HECW1: variants seen among roughly 807,000 people sequenced by gnomAD.
HECW1 encodes HECT, C2 and WW domain containing E3 ubiquitin protein ligase 1, also known as E3 ubiquitin-protein ligase HECW1.
Under a neutral mutation model 182.3 loss-of-function variants are expected in HECW1, and 61 were observed. That is an observed-to-expected ratio of 0.33 (90% CI 0.27 to 0.41). The LOEUF is 0.41. Among genes scored for constraint, HECW1 ranks in the 10% least tolerant of loss-of-function variants. The probability of loss-of-function intolerance (pLI) is 1.00; values close to 1 mark genes in which losing one functional copy is unlikely to be tolerated. For synonymous variants in HECW1, 859 were observed against 832.6 expected (o/e 1.03, Z -0.55); for missense variants, 1,739 against 2,108.9 (o/e 0.82, Z 3.44).
intron 6 of HECW1, among the ~76,000 whole-genome samples, chr7:43,362,182 T>C (rs982719625): frequency 2.6e-4 from 36 of 139,594 alleles, no homozygotes; most frequent in African/African-American, 8.3e-4. Flanking sequence ...TGACATGAAA[T>C]ATGAATGATT....
At chr7:43,292,461 A>G (rs1805514531) in intron 3 of HECW1, among the ~76,000 whole-genome samples, 2 of 152,226 alleles carry the variant, frequency 1.3e-5, no homozygotes, top group African/African-American at 2.4e-5. Context: ...TATAAGAACA[A>G]CTGAAGCCCA....
chr7:43,143,816 G>T (rs1205406879), intron 2 of HECW1, among the ~76,000 whole-genome samples: 1 of 152,168 alleles, frequency 6.6e-6, no homozygotes, highest in East Asian at 1.9e-4. Flanking sequence ...ACTTGGGGTG[G>T]GCACAAGACA....
At chr7:43,274,656 A>C (rs1453910558) in intron 3 of HECW1, 2 of 320,624 alleles carry the variant, frequency 6.2e-6, no homozygotes. Flanking sequence ...AGAGAGAGAG[A>C]GAGAGAGCGA....
At chr7:43,529,438 T>G (rs979567092) in intron 24 of HECW1, among the ~76,000 whole-genome samples, 2 of 152,060 alleles carry the variant, frequency 1.3e-5, no homozygotes, top group Non-Finnish European at 2.9e-5. Flanking sequence ...CTGGAGAAAA[T>G]GAAATAATTC....
At chr7:43,381,376 CA>C (rs2074542702) in intron 6 of HECW1, among the ~76,000 whole-genome samples, 1 of 152,126 alleles carries the variant, frequency 6.6e-6, no homozygotes, top group African/African-American at 2.4e-5. Context: ...AGCTGGAGGG[CA>C]ATGGCTTGAT....
chr7:43,140,409 C>CA (rs140149282), intron 2 of HECW1, among the ~76,000 whole-genome samples: 1,755 of 152,178 alleles, frequency 0.012, 16 homozygotes, highest in Non-Finnish European at 0.02. Flanking sequence ...GTCAGTTCTC[C>CA]AAAAAAATCC....
rs144613339 is a variant in HECW1 at position 43,425,027 on chromosome 7, A to G, written c.802-12976A>G. 1.6e-3 allele frequency among the ~76,000 whole-genome samples: 250 copies of G among 152,312 alleles called. 3 individuals carry two copies. In the East Asian group the frequency reaches 0.031, roughly 19 times the overall value. On this transcript the variant is annotated intron_variant, in intron 8 of 29. Coordinates refer to ENST00000395891, the MANE Select transcript of HECW1 (RefSeq NM_015052.5). ...GTGTTTTTGAGAGAAACATACAAACAGAATTAATACAGCACAAGTCCAGTG... is the reference window on the plus strand; with the variant it reads ...GTGTTTTTGAGAGAAACATACAAACGGAATTAATACAGCACAAGTCCAGTG...
chr7:43,335,167 C>CA (rs1244118703), intron 5 of HECW1, among the ~76,000 whole-genome samples: 1 of 152,170 alleles, frequency 6.6e-6, no homozygotes, highest in Non-Finnish European at 1.5e-5. Flanking sequence ...AGTTCAGGAA[C>CA]ATGCAGAAAA....
intron 3 of HECW1, among the ~76,000 whole-genome samples, chr7:43,292,390 C>T (rs1395499477): frequency 6.6e-6 from 1 of 152,260 alleles, no homozygotes; most frequent in Non-Finnish European, 1.5e-5. Flanking sequence ...GCTCTCTCCT[C>T]TGTATCACAA....
intron 29 of HECW1, among the ~76,000 whole-genome samples, chr7:43,557,432 A>G (rs1436143105): frequency 6.6e-6 from 1 of 152,240 alleles, no homozygotes; most frequent in African/African-American, 2.4e-5. Context: ...CCTGCCTGCT[A>G]AAAGATGTGT....
intron 7 of HECW1, among the ~76,000 whole-genome samples, chr7:43,399,912 A>G (rs1040584673): frequency 6.6e-6 from 1 of 152,192 alleles, no homozygotes; most frequent in African/African-American, 2.4e-5. Flanking sequence ...TGCCTAGGAC[A>G]AAAAGCAAAT....
At chr7:43,147,110 A>G (rs1410804981) in intron 2 of HECW1, among the ~76,000 whole-genome samples, 1 of 152,248 alleles carries the variant, frequency 6.6e-6, no homozygotes, top group African/African-American at 2.4e-5. Flanking sequence ...GTTGTCTGTT[A>G]TCCAAGGAAA....
At chr7:43,148,215 G>C (rs1227275249) in intron 2 of HECW1, among the ~76,000 whole-genome samples, 2 of 152,196 alleles carry the variant, frequency 1.3e-5, no homozygotes, top group Non-Finnish European at 2.9e-5. Context: ...AGACCTCAAA[G>C]AGTTCTGGAG....
chr7:43,518,145 T>C (rs1366020577), intron 24 of HECW1, among the ~76,000 whole-genome samples: 2 of 152,118 alleles, frequency 1.3e-5, no homozygotes, highest in African/African-American at 2.4e-5. Flanking sequence ...CAAGAAACCT[T>C]GAGTGGTAGA....
intron 14 of HECW1, among the ~76,000 whole-genome samples, chr7:43,464,623 A>G (rs1051916696): frequency 5.9e-5 from 9 of 152,202 alleles, no homozygotes; most frequent in African/African-American, 1.9e-4. Flanking sequence ...CAGTCTGGGC[A>G]GGCAGCACTG....
Position 43,444,102 on chromosome 7 carries a change from C to T in HECW1, c.1046-116C>T. On this transcript the variant is annotated intron_variant, in intron 10 of 29. Transcript: ENST00000395891. The surrounding 1 kb of genome is among the most constrained non-coding windows in gnomAD (Gnocchi z 4.3). ...CCAGTGAGAAACCCTCATCAACCTA[C>T]ATTCAATATCCTAATGTAGAAATCC... 1.9e-6 allele frequency: 2 copies of T among 1,064,356 alleles called. No homozygotes were observed. Among genetic ancestry groups the T allele is most frequent in the East Asian group, 2.5e-5 (1 of 39,728 alleles). The allele number at this position is 1,064,356 out of a possible 1,614,324, so 65.9% of individuals were successfully genotyped here.
At chr7:43,409,616 G>A (rs540417262) in intron 8 of HECW1, among the ~76,000 whole-genome samples, 17 of 152,334 alleles carry the variant, frequency 1.1e-4, no homozygotes, top group Admixed American at 1.3e-4. Context: ...ACTCTCCCCA[G>A]CCCTCTGCTC....
chr7:43,452,845 C>T (rs749449839), intron 12 of HECW1, among the ~76,000 whole-genome samples: 1 of 152,142 alleles, frequency 6.6e-6, no homozygotes, highest in Non-Finnish European at 1.5e-5. Flanking sequence ...GGAGAGTTAT[C>T]CCTGCAAGTG....
chr7:43,411,824 T>C (rs2075813726), intron 8 of HECW1, among the ~76,000 whole-genome samples: 1 of 152,194 alleles, frequency 6.6e-6, no homozygotes, highest in Admixed American at 6.5e-5. Context: ...ACTTTCAAAA[T>C]GTTTGTGTTT....
Sources: gnomAD v4.1 joint callset for allele counts (sites outside exome capture counted in the v4.1 genomes callset) on GRCh38, gnomAD v4.1.1 for gene constraint, Gnocchi (gnomAD v3.1) non-coding constraint, MANE v1.5 for transcripts, NCBI Gene and HGNC (gene_info 2026-07-23, HGNC 2026-07-21) for gene names.